CTNNA3: variants seen among roughly 807,000 people sequenced by gnomAD.
CTNNA3 encodes catenin alpha 3.
A neutral mutation model predicts 95.7 loss-of-function variants in CTNNA3; 76 were observed. That is an observed-to-expected ratio of 0.79 (90% CI 0.66 to 0.96). The LOEUF (loss-of-function observed/expected upper bound fraction) is 0.96. CTNNA3 is among the 40% of genes least tolerant of loss of function. The pLI is 0.00. For synonymous variants in CTNNA3, 431 were observed against 374.4 expected (o/e 1.15, Z -1.74); for missense variants, 1,191 against 1,089.8 (o/e 1.09, Z -1.31).
intron 7 of CTNNA3, among the ~76,000 whole-genome samples, chr10:66,865,940 T>C (rs1844157441): frequency 6.6e-6 from 1 of 152,152 alleles, no homozygotes; most frequent in Non-Finnish European, 1.5e-5. Flanking sequence ...TATTATTGAT[T>C]TGTAATGTGT....
At chr10:67,464,137 TCTAA>T (rs1847485517) in intron 5 of CTNNA3, among the ~76,000 whole-genome samples, 1 of 152,184 alleles carries the variant, frequency 6.6e-6, no homozygotes, top group Admixed American at 6.5e-5. Context: ...ATAATCCGGC[TCTAA>T]CTGATTTTCC....
intron 7 of CTNNA3, among the ~76,000 whole-genome samples, chr10:66,848,969 A>G (rs1429391226): frequency 6.6e-6 from 1 of 152,216 alleles, no homozygotes; most frequent in Non-Finnish European, 1.5e-5. Context: ...CCCCTGCCAG[A>G]AAATTGAGGA....
chr10:66,935,518 A>T (rs922529488), intron 7 of CTNNA3, among the ~76,000 whole-genome samples: 2 of 152,104 alleles, frequency 1.3e-5, no homozygotes, highest in African/African-American at 4.8e-5. Context: ...GTTAGGTAAC[A>T]TCACTGAATT....
chr10:66,826,573 T>C (rs368382448), intron 7 of CTNNA3, among the ~76,000 whole-genome samples: 2 of 152,236 alleles, frequency 1.3e-5, no homozygotes, highest in African/African-American at 4.8e-5. Flanking sequence ...TGTGTTATTT[T>C]CTGAGGTTTA....
chr10:66,756,469 A>G lies in CTNNA3; in HGVS notation c.1281+9795T>C, dbSNP rs554087126. On this transcript the variant is annotated intron_variant, in intron 9 of 17. Coordinates refer to ENST00000433211, the MANE Select transcript of CTNNA3 (RefSeq NM_013266.4). The stretch of plus-strand genomic sequence containing the variant: ...TTTCTTAAAAAGCATCAAATCTAAC[A>G]TTTCTATCTTGCAGAAATCACCAAG... Among the ~76,000 whole-genome samples, 5 of 152,252 alleles carry G rather than the reference A, an allele frequency of 3.3e-5. No homozygotes were observed. In the South Asian group the frequency reaches 1.0e-3, roughly 32 times the overall value.
intron 9 of CTNNA3, among the ~76,000 whole-genome samples, chr10:66,716,559 G>A (rs1848456048): frequency 6.6e-6 from 1 of 152,190 alleles, no homozygotes; most frequent in Non-Finnish European, 1.5e-5. Flanking sequence ...GAGAGTGAAT[G>A]TTTAGAGTTA....
chr10:66,752,669 A>G (rs1839194353), intron 9 of CTNNA3, among the ~76,000 whole-genome samples: 1 of 152,216 alleles, frequency 6.6e-6, no homozygotes, highest in Non-Finnish European at 1.5e-5. Context: ...ACATATTTAT[A>G]AATCCCATAA....
Position 67,728,086 on chromosome 10 carries a change from T to C in CTNNA3, c.-2+35348A>G, listed in dbSNP as rs1564841935. Reference sequence around the variant, plus strand: ...TGTATATTACATATTATATATTATATAATATGTAATATACATACATATACA... The same window carrying C: ...TGTATATTACATATTATATATTATACAATATGTAATATACATACATATACA... On this transcript the variant is annotated intron_variant, in intron 1 of 17. Coordinates refer to the CTNNA3 transcript ENST00000684154. 2.8e-5 allele frequency among the ~76,000 whole-genome samples: 4 copies of C among 143,192 alleles called. No individual in the cohort carries two copies. In the South Asian group the frequency reaches 6.3e-4, roughly 23 times the overall value. The allele number at this position is 143,192 out of a possible 152,430, so 93.9% of individuals were successfully genotyped here.
At chr10:67,682,347 T>C (rs1362965197) in intron 1 of CTNNA3, among the ~76,000 whole-genome samples, 1 of 149,198 alleles carries the variant, frequency 6.7e-6, no homozygotes, top group Non-Finnish European at 1.5e-5. Context: ...AAAGACTCAA[T>C]AGAAAAAATT....
At chr10:67,699,090 C>T (rs907122270), upstream of CTNNA3, among the ~76,000 whole-genome samples, 1 of 152,178 alleles carries the variant, frequency 6.6e-6, no homozygotes, top group African/African-American at 2.4e-5. Flanking sequence ...TGGATCCCTT[C>T]TTCCCTCACC....
At chr10:66,106,300 T>A (rs2133758299) in intron 13 of CTNNA3, among the ~76,000 whole-genome samples, 1 of 151,666 alleles carries the variant, frequency 6.6e-6, no homozygotes, top group African/African-American at 2.4e-5. Flanking sequence ...CTTCTACCTA[T>A]CTGGTAAACA....
At chr10:67,369,566 T>C (rs146708017) in intron 5 of CTNNA3, among the ~76,000 whole-genome samples, 1 of 151,972 alleles carries the variant, frequency 6.6e-6, no homozygotes, top group Non-Finnish European at 1.5e-5. Flanking sequence ...AAGACAACAA[T>C]CTGGAAAAAG....
At position 67,011,180 on chromosome 10, in the gene CTNNA3, T is replaced by A. The variant is rs1422985312; in HGVS notation, c.1047+169137A>T. On this transcript the variant is annotated intron_variant, in intron 7 of 17. Coordinates refer to ENST00000433211, the MANE Select transcript of CTNNA3 (RefSeq NM_013266.4). ...CCGTCTCTACTAAAAATACAAAAAA[T>A]AAATAAATAAATTAGCCGGGTGTGG... Among the ~76,000 whole-genome samples, 7 of 151,534 alleles carry A rather than the reference T, an allele frequency of 4.6e-5. No homozygotes were observed. In the East Asian group the frequency reaches 1.4e-3, roughly 29 times the overall value.
chr10:65,963,276 A>G (rs999484106), intron 17 of CTNNA3, among the ~76,000 whole-genome samples: 1 of 152,124 alleles, frequency 6.6e-6, no homozygotes, highest in Non-Finnish European at 1.5e-5. Context: ...ATTCCACAAA[A>G]CACACACCAA....
intron 14 of CTNNA3, among the ~76,000 whole-genome samples, chr10:66,097,467 ATAT>A (rs1213663185): frequency 6.6e-6 from 1 of 152,174 alleles, no homozygotes; most frequent in African/African-American, 2.4e-5. Context: ...TATAAAATAG[ATAT>A]TATTATTATC....
intron 5 of CTNNA3, among the ~76,000 whole-genome samples, chr10:67,510,394 C>T (rs551029386): frequency 2.4e-4 from 37 of 151,040 alleles, no homozygotes; most frequent in Non-Finnish European, 4.7e-4. Context: ...CCAGTTTCAG[C>T]TTTCTACATA....
chr10:66,385,235 G>A (rs1253199611), intron 11 of CTNNA3, among the ~76,000 whole-genome samples: 3 of 151,990 alleles, frequency 2.0e-5, no homozygotes, highest in Admixed American at 6.6e-5. Flanking sequence ...TCAAATGAAC[G>A]CAATAAAAAT....
chr10:67,646,154 T>G (rs1420121346), intron 2 of CTNNA3, among the ~76,000 whole-genome samples: 3 of 150,536 alleles, frequency 2.0e-5, no homozygotes, highest in South Asian at 4.2e-4. Context: ...TTTTGTGAAC[T>G]TCATTAGAAA....
intron 9 of CTNNA3, among the ~76,000 whole-genome samples, chr10:66,664,145 G>A (rs1425082637): frequency 6.6e-6 from 1 of 151,760 alleles, no homozygotes; most frequent in Non-Finnish European, 1.5e-5. Flanking sequence ...TTATACAAAA[G>A]ATTAATCTTT....
Sources: allele counts gnomAD v4.1 joint callset (sites outside exome capture counted in the v4.1 genomes callset), GRCh38; gene constraint gnomAD v4.1.1; transcripts MANE v1.5; gene names NCBI Gene and HGNC (gene_info 2026-07-23, HGNC 2026-07-21).